ZNF385B: variants seen among roughly 807,000 people sequenced by gnomAD.
ZNF385B encodes zinc finger protein 385B.
A neutral mutation model predicts 39.2 loss-of-function variants in ZNF385B; 23 were observed. The observed-to-expected ratio is 0.59, with a 90% CI of 0.42 to 0.83. ZNF385B has a LOEUF of 0.83. ZNF385B is among the 40% of genes least tolerant of loss of function. The pLI is 0.00. For missense variants in ZNF385B, 552 were observed against 598.9 expected, an observed-to-expected ratio of 0.92 and a Z score of 0.82; for synonymous variants, 205 against 222.6, an observed-to-expected ratio of 0.92 and a Z score of 0.70.
At chr2:179,683,568 C>G (rs1013502144) in intron 3 of ZNF385B, among the ~76,000 whole-genome samples, 16 of 151,412 alleles carry the variant, frequency 1.1e-4, no homozygotes, top group African/African-American at 3.6e-4. Context: ...ATCTGCCTCC[C>G]GGGTTCAAGT....
chr2:179,773,720 G>A (rs369189544), intron 1 of ZNF385B, among the ~76,000 whole-genome samples: 71 of 152,316 alleles, frequency 4.7e-4, no homozygotes, highest in African/African-American at 1.7e-3. Context: ...CGGTCAAGGA[G>A]ATGTCTCAGG....
intron 3 of ZNF385B, among the ~76,000 whole-genome samples, chr2:179,715,618 T>A (rs1042398066): frequency 1.3e-5 from 2 of 152,186 alleles, no homozygotes; most frequent in Admixed American, 1.3e-4. Context: ...CTAGGACATA[T>A]GAACACAATT....
chr2:179,446,824 G>C, intron 6 of ZNF385B, 54 bp from the exon 7 acceptor site: 1 of 1,523,778 alleles, frequency 6.6e-7, no homozygotes, highest in Non-Finnish European at 8.8e-7. Flanking sequence ...TATAAACAAA[G>C]ATAAATCACC....
intron 5 of ZNF385B, among the ~76,000 whole-genome samples, chr2:179,513,856 T>C (rs1387216057): frequency 1.3e-5 from 2 of 152,146 alleles, no homozygotes; most frequent in African/African-American, 2.4e-5. Flanking sequence ...CATAATATAA[T>C]AGGAAGAGCT....
At chr2:179,497,286 A>G (rs373550555) in intron 5 of ZNF385B, among the ~76,000 whole-genome samples, 4 of 152,310 alleles carry the variant, frequency 2.6e-5, no homozygotes, top group African/African-American at 9.6e-5. Context: ...TATGTAAACT[A>G]CTCTTAGCCT....
chr2:179,844,500 TA>T, intron 1 of ZNF385B, among the ~76,000 whole-genome samples: 1 of 152,316 alleles, frequency 6.6e-6, no homozygotes, highest in Admixed American at 6.5e-5. Context: ...AAAACACTAC[TA>T]CACACAGTCA....
intron 1 of ZNF385B, among the ~76,000 whole-genome samples, chr2:179,834,776 C>T (rs768503009): frequency 6.6e-6 from 1 of 152,146 alleles, no homozygotes; most frequent in Non-Finnish European, 1.5e-5. Context: ...GGCAAATACA[C>T]CTTTACCAAA....
At chr2:179,663,341 A>C (rs1451258112) in intron 3 of ZNF385B, among the ~76,000 whole-genome samples, 1 of 152,192 alleles carries the variant, frequency 6.6e-6, no homozygotes, top group Admixed American at 6.5e-5. Flanking sequence ...TTTTATGGAA[A>C]AATGATAACC....
At chr2:179,798,611 T>A (rs886145894) in intron 1 of ZNF385B, among the ~76,000 whole-genome samples, 1 of 152,036 alleles carries the variant, frequency 6.6e-6, no homozygotes, top group African/African-American at 2.4e-5. Flanking sequence ...AATACTAGTG[T>A]CAGGATCACA....
intron 1 of ZNF385B, among the ~76,000 whole-genome samples, chr2:179,849,566 T>C (rs932242084): frequency 6.6e-5 from 10 of 152,318 alleles, no homozygotes; most frequent in East Asian, 5.8e-4. Context: ...GTGATTAGTA[T>C]TGGGAAGGTA....
chr2:179,458,969 G>C (rs1255824279), intron 6 of ZNF385B, among the ~76,000 whole-genome samples: 1 of 152,138 alleles, frequency 6.6e-6, no homozygotes, highest in African/African-American at 2.4e-5. Context: ...TTTTGTTACA[G>C]GGATCGGTCC....
At chr2:179,794,803 G>C (rs1362626770) in intron 1 of ZNF385B, among the ~76,000 whole-genome samples, 1 of 152,036 alleles carries the variant, frequency 6.6e-6, no homozygotes, top group African/African-American at 2.4e-5. Flanking sequence ...GGATGAGATG[G>C]GGACACCGCT....
chr2:179,529,671 A>G (rs930042052), intron 4 of ZNF385B, among the ~76,000 whole-genome samples: 2 of 152,238 alleles, frequency 1.3e-5, no homozygotes, highest in Non-Finnish European at 2.9e-5. Context: ...AAGAACTAAA[A>G]TGATGATAAG....
chr2:179,681,297 T>A (rs1367323148), intron 3 of ZNF385B, among the ~76,000 whole-genome samples: 1 of 152,100 alleles, frequency 6.6e-6, no homozygotes, highest in East Asian at 1.9e-4. Flanking sequence ...CAGTAAAAAA[T>A]TTCAGTTACA....
chr2:179,631,744 G>A (rs1043432956), intron 3 of ZNF385B, among the ~76,000 whole-genome samples: 4 of 152,066 alleles, frequency 2.6e-5, no homozygotes, highest in African/African-American at 9.7e-5. Flanking sequence ...AAAGAGTCAA[G>A]ACCCATCGGT....
chr2:179,485,360 A>G (rs1216790092), intron 5 of ZNF385B, among the ~76,000 whole-genome samples: 1 of 152,222 alleles, frequency 6.6e-6, no homozygotes, highest in Non-Finnish European at 1.5e-5. Context: ...TGCCATGATT[A>G]GATTAAGCCA....
chr2:179,482,304 ATG>A (rs372758028), intron 6 of ZNF385B, among the ~76,000 whole-genome samples: 158 of 152,328 alleles, frequency 1.0e-3, no homozygotes, highest in African/African-American at 3.7e-3. Flanking sequence ...AGAATCAGAA[ATG>A]TGTGTGTTTC....
chr2:179,491,967 C>T (rs1016287632), intron 5 of ZNF385B, among the ~76,000 whole-genome samples: 4 of 152,184 alleles, frequency 2.6e-5, no homozygotes, highest in Middle Eastern at 3.2e-3. Flanking sequence ...TCCTAAAGCG[C>T]TGAGATTCAG....
At chr2:179,657,020 A>G (rs1693850153) in intron 3 of ZNF385B, among the ~76,000 whole-genome samples, 3 of 152,164 alleles carry the variant, frequency 2.0e-5, no homozygotes, top group Admixed American at 2.0e-4. Flanking sequence ...AGCCATTTGT[A>G]TCCTGGTGTA....
Sources: allele counts gnomAD v4.1 joint callset (sites outside exome capture counted in the v4.1 genomes callset), GRCh38; gene constraint gnomAD v4.1.1; transcripts MANE v1.5; gene names NCBI Gene and HGNC (gene_info 2026-07-23, HGNC 2026-07-21).